HAPLN1: variants seen among roughly 807,000 people sequenced by gnomAD.
HAPLN1 encodes the protein Cartilage link protein.
A neutral mutation model predicts 36.5 loss-of-function variants in HAPLN1; 13 were observed. That is an observed-to-expected ratio of 0.36 (90% confidence interval 0.23 to 0.57). HAPLN1 has a LOEUF of 0.57. Ranked by LOEUF, HAPLN1 falls within the 20% of genes least tolerant of loss-of-function variation. HAPLN1 has a pLI of 0.83. For synonymous variants in HAPLN1, 202 were observed against 169.8 expected (o/e 1.19, Z -1.48); for missense variants, 407 against 439.7 (o/e 0.93, Z 0.66).
At chr5:83,648,554 A>T (rs540455487) in intron 3 of HAPLN1, among the ~76,000 whole-genome samples, 4 of 150,866 alleles carry the variant, frequency 2.7e-5, no homozygotes, top group African/African-American at 9.8e-5. Flanking sequence ...GGCTACATGA[A>T]GAATTTTTTT....
chr5:83,700,527 G>A (rs1477208638), intron 1 of HAPLN1, among the ~76,000 whole-genome samples: 1 of 151,906 alleles, frequency 6.6e-6, no homozygotes, highest in Non-Finnish European at 1.5e-5. Context: ...TTGCAAATGA[G>A]GAGAAAAAAT....
At chr5:83,689,518 A>C (rs1393985016) in intron 1 of HAPLN1, among the ~76,000 whole-genome samples, 1 of 152,108 alleles carries the variant, frequency 6.6e-6, no homozygotes, top group Non-Finnish European at 1.5e-5. Context: ...GAGTCTCTGG[A>C]AGGGAATTAG....
intron 4 of HAPLN1, among the ~76,000 whole-genome samples, chr5:83,642,828 A>T (rs1749740156): frequency 6.6e-6 from 1 of 152,234 alleles, no homozygotes; most frequent in Admixed American, 6.5e-5. Flanking sequence ...ACCAGAGTTC[A>T]GCAAACTATA....
At chr5:83,657,247 C>T (rs995826667) in intron 2 of HAPLN1, among the ~76,000 whole-genome samples, 2 of 152,020 alleles carry the variant, frequency 1.3e-5, no homozygotes, top group Non-Finnish European at 2.9e-5. Flanking sequence ...AGGTGCGTGC[C>T]ACCACACCCT....
Position 83,656,484 on chromosome 5 carries a change from A to G in HAPLN1, c.101-3660T>C, listed in dbSNP as rs926152643. Among the ~76,000 whole-genome samples, 17 of 152,076 alleles carry G rather than the reference A, an allele frequency of 1.1e-4. 1 individual carries two copies. Among genetic ancestry groups the G allele is most frequent in the African/African-American group, 4.1e-4 (17 of 41,490 alleles). ...CAAAATAAATAAAACTATGTAGCAT[A>G]CAAGTGTCCATTTCCCCTTTTCCTT... On this transcript the variant is annotated intron_variant, in intron 2 of 4. Coordinates refer to ENST00000274341, the MANE Select transcript of HAPLN1 (RefSeq NM_001884.4).
intron 1 of HAPLN1, among the ~76,000 whole-genome samples, chr5:83,715,922 T>A (rs1393479885): frequency 6.6e-6 from 1 of 152,250 alleles, no homozygotes; most frequent in Non-Finnish European, 1.5e-5. Flanking sequence ...TTCGGGTTTA[T>A]GACATCAGTT....
chr5:83,673,177 T>C (rs964940484), intron 2 of HAPLN1, among the ~76,000 whole-genome samples: 4 of 152,236 alleles, frequency 2.6e-5, no homozygotes, highest in Admixed American at 6.5e-5. Context: ...CTTAACAGCC[T>C]TGAACGATTA....
chr5:83,688,725 A>G, intron 1 of HAPLN1, among the ~76,000 whole-genome samples: 1 of 146,808 alleles, frequency 6.8e-6, no homozygotes, highest in East Asian at 2.0e-4. Flanking sequence ...AGACATTAAT[A>G]CAGACTGAAG....
intron 1 of HAPLN1, among the ~76,000 whole-genome samples, chr5:83,687,496 G>T (rs888533585): frequency 3.3e-5 from 5 of 152,168 alleles, no homozygotes; most frequent in South Asian, 2.1e-4. Context: ...TGGAATCTGT[G>T]TCCCTGAATA....
At chr5:83,647,270 T>C (rs981154816) in intron 3 of HAPLN1, among the ~76,000 whole-genome samples, 1 of 152,222 alleles carries the variant, frequency 6.6e-6, no homozygotes, top group African/African-American at 2.4e-5. Context: ...GTTAATATTT[T>C]AGTATTTTTC....
chr5:83,704,387 C>A (rs1192432455), intron 1 of HAPLN1, among the ~76,000 whole-genome samples: 1 of 152,106 alleles, frequency 6.6e-6, no homozygotes, highest in Admixed American at 6.5e-5. Flanking sequence ...ATGACAGGAT[C>A]AAATCCACAT....
intron 1 of HAPLN1, among the ~76,000 whole-genome samples, chr5:83,691,122 A>G (rs1383090927): frequency 6.6e-6 from 1 of 152,096 alleles, no homozygotes; most frequent in East Asian, 1.9e-4. Context: ...TGAGTCATAT[A>G]ATTTATTGCC....
intron 2 of HAPLN1, among the ~76,000 whole-genome samples, chr5:83,657,270 T>C (rs1251603165): frequency 6.6e-6 from 1 of 152,070 alleles, no homozygotes; most frequent in East Asian, 1.9e-4. Context: ...TAATTTTTTG[T>C]ATTTTTTAGT....
At chr5:83,709,595 T>C (rs1416626655) in intron 1 of HAPLN1, among the ~76,000 whole-genome samples, 2 of 152,176 alleles carry the variant, frequency 1.3e-5, no homozygotes, top group African/African-American at 4.8e-5. Context: ...ATTGATCCCA[T>C]CACCCAGAGA....
chr5:83,710,223 C>A (rs1488123728), intron 1 of HAPLN1, among the ~76,000 whole-genome samples: 1 of 152,108 alleles, frequency 6.6e-6, no homozygotes, highest in East Asian at 1.9e-4. Context: ...TGGGGACAAG[C>A]ATCTTGGGCA....
intron 2 of HAPLN1, among the ~76,000 whole-genome samples, chr5:83,669,577 G>GA (rs1750646464): frequency 6.6e-6 from 1 of 152,096 alleles, no homozygotes; most frequent in Admixed American, 6.6e-5. Context: ...AGAAGGCAAA[G>GA]AAAAGAACTT....
intron 1 of HAPLN1, chr5:83,685,957 T>A (rs766528136): frequency 1.3e-5 from 2 of 152,098 alleles, no homozygotes; most frequent in Non-Finnish European, 2.9e-5. Flanking sequence ...TATCTATACT[T>A]TCTTGCAAGT....
Position 83,652,804 on chromosome 5 carries a change from G to A in HAPLN1, c.121C>T (p.Leu41Phe). The A allele has an allele frequency of 1.3e-6, 2 of 1,585,662 alleles. No homozygotes were observed. Among genetic ancestry groups the A allele is most frequent in the Non-Finnish European group, 1.7e-6 (2 of 1,162,132 alleles). Reference protein sequence around the residue: ...HIQAENGPHLLVEAEQAKVFS... With the variant: ...HIQAENGPHLFVEAEQAKVFS... Reference sequence around the variant, plus strand: ...ACCTTGGCTTGCTCTGCTTCCACAAGTAGATGGGGGCCATTTTCTGCTATA... The same window carrying A: ...ACCTTGGCTTGCTCTGCTTCCACAAATAGATGGGGGCCATTTTCTGCTATA... Residue 41 changes from leucine to phenylalanine, a missense_variant, in exon 3 of 5, where the codon CTT (leucine) becomes TTT (phenylalanine). By Grantham distance (22) the Leu-to-Phe change is conservative. Coordinates refer to ENST00000274341, the MANE Select transcript of HAPLN1 (RefSeq NM_001884.4).
At chr5:83,695,324 C>A (rs564253941) in intron 1 of HAPLN1, among the ~76,000 whole-genome samples, 19 of 151,962 alleles carry the variant, frequency 1.3e-4, no homozygotes, top group Non-Finnish European at 1.3e-4. Context: ...TGGGGTTTCG[C>A]CATGTTGGCC....
Sources: allele counts gnomAD v4.1 joint callset (sites outside exome capture counted in the v4.1 genomes callset), GRCh38; gene constraint gnomAD v4.1.1; transcripts MANE v1.5; gene names NCBI Gene and HGNC (gene_info 2026-07-23, HGNC 2026-07-21).